FSTL5: variants seen among roughly 807,000 people sequenced by gnomAD.
FSTL5 encodes follistatin like 5, also known as follistatin-related protein 5.
Under a neutral mutation model 89.1 loss-of-function variants are expected in FSTL5, and 62 were observed. The ratio of observed to expected loss-of-function variants is 0.70; its 90% CI spans 0.57 to 0.86. The LOEUF is 0.86. FSTL5 is among the 40% of genes least tolerant of loss of function. FSTL5 has a pLI of 0.00. For missense variants in FSTL5, 1,057 were observed against 1,001.6 expected, an observed-to-expected ratio of 1.06 and a Z score of -0.75; for synonymous variants, 383 against 346.2, an observed-to-expected ratio of 1.11 and a Z score of -1.18.
intron 3 of FSTL5, among the ~76,000 whole-genome samples, chr4:161,924,552 C>T (rs1025192972): frequency 3.3e-5 from 5 of 151,476 alleles, no homozygotes; most frequent in Middle Eastern, 3.2e-3. Context: ...AAGTGGCTTA[C>T]AAAGAGCGTA....
intron 3 of FSTL5, among the ~76,000 whole-genome samples, chr4:161,973,679 G>C (rs1735549246): frequency 6.6e-6 from 1 of 152,142 alleles, no homozygotes; most frequent in African/African-American, 2.4e-5. Context: ...GGTGATGTTA[G>C]GAAAGTTACA....
At chr4:161,698,550 A>G (rs1167975813) in intron 6 of FSTL5, among the ~76,000 whole-genome samples, 1 of 152,238 alleles carries the variant, frequency 6.6e-6, no homozygotes, top group Non-Finnish European at 1.5e-5. Context: ...GAGAAACAAC[A>G]GCTGATAGCT....
At chr4:162,030,091 T>A (rs558640112) in intron 3 of FSTL5, among the ~76,000 whole-genome samples, 15 of 152,082 alleles carry the variant, frequency 9.9e-5, no homozygotes, top group Admixed American at 4.6e-4. Flanking sequence ...TTTATTTTTT[T>A]ACTAGAGATT....
chr4:162,087,484 A>T (rs1433229998), intron 2 of FSTL5, among the ~76,000 whole-genome samples: 1 of 152,138 alleles, frequency 6.6e-6, no homozygotes, highest in African/African-American at 2.4e-5. Context: ...AATGATTTTT[A>T]AAAATACAGT....
chr4:161,971,283 AC>A lies in FSTL5; in HGVS notation c.161-50632del, dbSNP rs1429728079. ...ATAAAACTGCCCTTTTCATTATGTC[AC>A]AAACATTGATATATTAGAATTTTTA... On this transcript the variant is annotated intron_variant, in intron 3 of 15. Coordinates refer to ENST00000306100, the MANE Select transcript of FSTL5 (RefSeq NM_020116.5). 2.6e-5 allele frequency among the ~76,000 whole-genome samples: 4 copies of A among 152,256 alleles called. No individual in the cohort carries two copies. In the East Asian group the frequency reaches 7.7e-4, roughly 29 times the overall value.
intron 7 of FSTL5, 108 bp downstream of exon 7, chr4:161,656,220 C>A (rs1578999176): frequency 3.8e-6 from 2 of 520,368 alleles, no homozygotes; most frequent in Non-Finnish European, 6.3e-6. Flanking sequence ...CCCAATAATT[C>A]TCTTTTACTC....
chr4:161,459,350 TTAGAC>T, intron 13 of FSTL5, 31 bp from the exon 14 acceptor site: 1 of 1,430,454 alleles, frequency 7.0e-7, no homozygotes, highest in Non-Finnish European at 9.8e-7. Flanking sequence ...AAAAAATGTT[TTAGAC>T]TAAACTATTA....
intron 8 of FSTL5, among the ~76,000 whole-genome samples, chr4:161,553,210 G>A (rs1578919962): frequency 6.6e-6 from 1 of 150,682 alleles, no homozygotes; most frequent in African/African-American, 2.4e-5. Flanking sequence ...AAACTAATTG[G>A]GTTACTTTAT....
At chr4:161,864,367 A>G (rs6536623) in intron 4 of FSTL5, among the ~76,000 whole-genome samples, 61,223 of 152,026 alleles carry the variant, frequency 0.4, 12,872 homozygotes, top group South Asian at 0.52. Flanking sequence ...AGTCATGTGA[A>G]GCTCAGTTTA....
At chr4:162,064,252 G>A (rs1738815763) in intron 2 of FSTL5, among the ~76,000 whole-genome samples, 1 of 151,944 alleles carries the variant, frequency 6.6e-6, no homozygotes, top group South Asian at 2.1e-4. Flanking sequence ...TTTGGTACCT[G>A]CATGATATTT....
rs145710851 is a variant in FSTL5 at position 161,498,388 on chromosome 4, G to A, written c.1458+1628C>T. 5.9e-3 allele frequency among the ~76,000 whole-genome samples: 904 copies of A among 152,102 alleles called. 6 individuals carry two copies. The highest frequency in any genetic ancestry group is 8.3e-3 in the Non-Finnish European group (561 of 67,988). On this transcript the variant is annotated intron_variant, in intron 12 of 15. Transcript: ENST00000306100. The stretch of plus-strand genomic sequence containing the variant: ...CCCAGAGCTGTCAAGAAATGTTCTG[G>A]GAAAGCATGCTCTTTAAGACTTGAG...
intron 1 of FSTL5, among the ~76,000 whole-genome samples, chr4:162,138,239 C>G (rs1050307118): frequency 6.6e-6 from 1 of 152,020 alleles, no homozygotes; most frequent in African/African-American, 2.4e-5. Flanking sequence ...GAATTTGAAG[C>G]AGTTTTGGAG....
At chr4:161,741,203 G>A (rs1436513807) in intron 6 of FSTL5, among the ~76,000 whole-genome samples, 4 of 152,298 alleles carry the variant, frequency 2.6e-5, no homozygotes, top group African/African-American at 7.2e-5. Context: ...GGCAGTTACA[G>A]GGCAAAGGGG....
At chr4:161,870,355 C>T (rs531842456) in intron 4 of FSTL5, among the ~76,000 whole-genome samples, 16 of 151,752 alleles carry the variant, frequency 1.1e-4, no homozygotes, top group African/African-American at 3.6e-4. Flanking sequence ...CACACACACA[C>T]ACGTACACAC....
At chr4:161,539,631 C>A (rs1170357308) in intron 9 of FSTL5, among the ~76,000 whole-genome samples, 1 of 152,014 alleles carries the variant, frequency 6.6e-6, no homozygotes, top group Non-Finnish European at 1.5e-5. Flanking sequence ...CTCACCTCTG[C>A]CACAGCAGCA....
intron 3 of FSTL5, among the ~76,000 whole-genome samples, chr4:161,957,856 A>T (rs1233877235): frequency 2.6e-5 from 4 of 152,048 alleles, no homozygotes; most frequent in Non-Finnish European, 2.9e-5. Context: ...AGCTATCTTG[A>T]TTTTTCTTGC....
intron 6 of FSTL5, among the ~76,000 whole-genome samples, chr4:161,698,092 A>C (rs932915619): frequency 6.5e-4 from 99 of 152,114 alleles, no homozygotes; most frequent in African/African-American, 2.2e-3. Context: ...AGCCCTCATG[A>C]ATGAGATTAG....
At chr4:161,643,998 T>A (rs941136951) in intron 7 of FSTL5, among the ~76,000 whole-genome samples, 4 of 152,114 alleles carry the variant, frequency 2.6e-5, no homozygotes, top group African/African-American at 9.7e-5. Context: ...CAAAGTTGAA[T>A]TGGTAAAGGT....
intron 1 of FSTL5, among the ~76,000 whole-genome samples, chr4:162,123,778 T>C (rs1731961117): frequency 6.6e-6 from 1 of 151,912 alleles, no homozygotes; most frequent in Admixed American, 6.6e-5. Context: ...ACATATAACT[T>C]ACATTTTATT....
Sources: allele counts gnomAD v4.1 joint callset (sites outside exome capture counted in the v4.1 genomes callset), GRCh38; gene constraint gnomAD v4.1.1; transcripts MANE v1.5; gene names NCBI Gene and HGNC (gene_info 2026-07-23, HGNC 2026-07-21).